Variants in FGF1 observed in about 807,000 individuals in gnomAD.
FGF1 encodes the protein fibroblast growth factor 1.
In FGF1, 9 loss-of-function variants were observed where a neutral mutation model predicts 13.4. That is an observed-to-expected ratio of 0.67 (90% CI 0.40 to 1.17). FGF1 has a LOEUF of 1.17. Among genes scored for constraint, FGF1 ranks in the 50% most tolerant of loss-of-function variants. The probability of loss-of-function intolerance (pLI) is 0.01; values close to 1 mark genes in which losing one functional copy is unlikely to be tolerated. For synonymous variants in FGF1, 93 were observed against 79.0 expected (o/e 1.18, Z -0.94); for missense variants, 156 against 192.7 (o/e 0.81, Z 1.13).
intron 1 of FGF1, among the ~76,000 whole-genome samples, chr5:142,683,337 G>C (rs1474192018): frequency 6.6e-6 from 1 of 152,256 alleles, no homozygotes; most frequent in African/African-American, 2.4e-5. Flanking sequence ...GGAAAATGAG[G>C]CTGGGACCTG....
At chr5:142,666,597 G>A (rs997657889) in intron 1 of FGF1, among the ~76,000 whole-genome samples, 3 of 152,158 alleles carry the variant, frequency 2.0e-5, no homozygotes, top group Non-Finnish European at 4.4e-5. Context: ...GGCATATAAA[G>A]ATGTCTACAT....
chr5:142,624,253 G>T (rs1000228099), intron 1 of FGF1, among the ~76,000 whole-genome samples: 2 of 152,110 alleles, frequency 1.3e-5, no homozygotes, highest in African/African-American at 4.8e-5. Context: ...TTTTTGTAGA[G>T]ATGGGGTCTC....
upstream of FGF1, among the ~76,000 whole-genome samples, chr5:142,691,042 A>G (rs1752126602): frequency 6.6e-6 from 1 of 152,180 alleles, no homozygotes. Context: ...GTTCTAAATC[A>G]GCCCCTTATC....
At chr5:142,674,070 T>A (rs1772013756) in intron 1 of FGF1, among the ~76,000 whole-genome samples, 1 of 152,190 alleles carries the variant, frequency 6.6e-6, no homozygotes, top group South Asian at 2.1e-4. Context: ...CTGCTTCATG[T>A]GTGCCTGGTG....
At chr5:142,678,230 A>G (rs1355875933) in intron 1 of FGF1, among the ~76,000 whole-genome samples, 1 of 152,154 alleles carries the variant, frequency 6.6e-6, no homozygotes. Flanking sequence ...ATGCTTCAGG[A>G]ACTCATCATT....
intron 2 of FGF1, among the ~76,000 whole-genome samples, chr5:142,602,472 G>A (rs144545832): frequency 6.6e-6 from 1 of 152,208 alleles, no homozygotes; most frequent in East Asian, 1.9e-4. Context: ...ACTGCGCCTG[G>A]CCTGTTTTCA....
intron 3 of FGF1, among the ~76,000 whole-genome samples, chr5:142,599,537 G>C (rs919541929): frequency 9.9e-5 from 15 of 152,166 alleles, no homozygotes; most frequent in African/African-American, 2.9e-4. Context: ...AAGGGGTGTG[G>C]ATTGGGCTAG....
intron 1 of FGF1, among the ~76,000 whole-genome samples, chr5:142,660,080 C>T (rs1210564827): frequency 6.6e-6 from 1 of 152,248 alleles, no homozygotes; most frequent in East Asian, 1.9e-4. Flanking sequence ...CGTTTTCTCA[C>T]ACAACATGAC....
chr5:142,599,996 A>G (rs1756138207), intron 3 of FGF1, among the ~76,000 whole-genome samples: 1 of 152,232 alleles, frequency 6.6e-6, no homozygotes, highest in Admixed American at 6.5e-5. Context: ...TGTGCATGAC[A>G]TATAAACTAT....
chr5:142,600,260 G>C (rs1033401164), intron 3 of FGF1, among the ~76,000 whole-genome samples: 13 of 152,154 alleles, frequency 8.5e-5, no homozygotes, highest in African/African-American at 2.7e-4. Context: ...TACTCAGGGG[G>C]CTGAGGGGGG....
chr5:142,689,847 C>A (rs111423561), upstream of FGF1, among the ~76,000 whole-genome samples: 4,674 of 150,594 alleles, frequency 0.031, 99 homozygotes, highest in South Asian at 0.068. Context: ...TACAGGCGCC[C>A]GCTACCACGC....
At chr5:142,639,753 G>A (rs1276509590) in intron 1 of FGF1, among the ~76,000 whole-genome samples, 2 of 151,990 alleles carry the variant, frequency 1.3e-5, no homozygotes, top group Non-Finnish European at 1.5e-5. Context: ...ATAATGTTGC[G>A]AGGTGATGGA....
chr5:142,655,907 C>A (rs778095427), intron 1 of FGF1, among the ~76,000 whole-genome samples: 3 of 152,190 alleles, frequency 2.0e-5, no homozygotes, highest in Non-Finnish European at 2.9e-5. Context: ...CTGGTGAGAT[C>A]AGAGGACCCT....
intron 1 of FGF1, among the ~76,000 whole-genome samples, chr5:142,666,137 T>C (rs1428707590): frequency 1.1e-5 from 1 of 88,822 alleles, no homozygotes; most frequent in Non-Finnish European, 2.5e-5. Flanking sequence ...CAGACTTGAT[T>C]GAACTTTACC....
intron 1 of FGF1, chr5:142,685,741 C>T (rs937478119): frequency 5.9e-5 from 9 of 152,162 alleles, no homozygotes; most frequent in African/African-American, 2.2e-4. Flanking sequence ...GCAGTCTGCA[C>T]CATGGTTTAA....
At chr5:142,683,941 A>G (rs1371606771) in intron 1 of FGF1, among the ~76,000 whole-genome samples, 1 of 151,940 alleles carries the variant, frequency 6.6e-6, no homozygotes, top group East Asian at 1.9e-4. Flanking sequence ...CGAGCATGGT[A>G]CCTAGGATGG....
chr5:142,672,491 T>A (rs1771669938), intron 1 of FGF1, among the ~76,000 whole-genome samples: 1 of 151,272 alleles, frequency 6.6e-6, no homozygotes, highest in Non-Finnish European at 1.5e-5. Context: ...TCAGGTCTTT[T>A]TCTGTACAGT....
At chr5:142,630,171 C>T (rs1388216459) in intron 1 of FGF1, among the ~76,000 whole-genome samples, 1 of 152,024 alleles carries the variant, frequency 6.6e-6, no homozygotes, top group Non-Finnish European at 1.5e-5. Context: ...GGATTACAGG[C>T]GTGAGCCACC....
chr5:142,646,305 T>C (rs1026608580), intron 1 of FGF1, among the ~76,000 whole-genome samples: 3 of 146,260 alleles, frequency 2.1e-5, no homozygotes, highest in Admixed American at 7.0e-5. Flanking sequence ...CAACCTCTGC[T>C]GCCTCAGCCT....
Sources: gnomAD v4.1 joint callset for allele counts (sites outside exome capture counted in the v4.1 genomes callset) on GRCh38, gnomAD v4.1.1 for gene constraint, MANE v1.5 for transcripts, NCBI Gene and HGNC (gene_info 2026-07-23, HGNC 2026-07-21) for gene names.